Variants in RPTOR observed in about 807,000 individuals in gnomAD.
RPTOR encodes regulatory associated protein of MTOR complex 1.
Under a neutral mutation model 169.9 loss-of-function variants are expected in RPTOR, and 21 were observed. That is an observed-to-expected ratio of 0.12 (90% CI 0.09 to 0.18). The LOEUF is 0.18. Ranked by LOEUF, RPTOR falls within the 10% of genes least tolerant of loss-of-function variation. The pLI is 1.00. For synonymous variants in RPTOR, 732 were observed against 753.2 expected, an observed-to-expected ratio of 0.97 and a Z score of 0.46; for missense variants, 1,133 against 1,855.9, an observed-to-expected ratio of 0.61 and a Z score of 7.16.
chr17:80,604,826 C>T (rs146338118), intron 1 of RPTOR, among the ~76,000 whole-genome samples: 16 of 152,162 alleles, frequency 1.1e-4, no homozygotes, highest in East Asian at 3.9e-4. Flanking sequence ...TCCATCCGCG[C>T]GATTCAATTA....
chr17:80,953,397 A>T (rs1344844793), intron 28 of RPTOR, among the ~76,000 whole-genome samples: 5 of 152,210 alleles, frequency 3.3e-5, no homozygotes. Flanking sequence ...CAGCCTCCTG[A>T]GTAGCTGGGA....
chr17:80,654,596 A>G (rs1273230291), intron 3 of RPTOR, among the ~76,000 whole-genome samples: 2 of 152,244 alleles, frequency 1.3e-5, no homozygotes, highest in African/African-American at 4.8e-5. Flanking sequence ...CATGGCTTGT[A>G]TAAGGAAGAG....
chr17:80,816,221 G>A (rs2067321934), intron 7 of RPTOR, among the ~76,000 whole-genome samples: 1 of 152,246 alleles, frequency 6.6e-6, no homozygotes, highest in Admixed American at 6.5e-5. Context: ...CGTGAGCCAG[G>A]GCAGAAGGGC....
chr17:80,897,750 G>A lies in RPTOR; in HGVS notation c.2401+3885G>A, dbSNP rs375741736. On this transcript the variant is annotated intron_variant, in intron 20 of 33. Coordinates refer to ENST00000306801, the MANE Select transcript of RPTOR (RefSeq NM_020761.3). The stretch of plus-strand genomic sequence containing the variant: ...CCTGCCTAGTAAAACTGGCTCCTCC[G>A]GGCATGGTGACAGGTGCCTGTAATC... Among the ~76,000 whole-genome samples, 15 of 152,268 alleles carry A rather than the reference G, an allele frequency of 9.9e-5. No homozygotes were observed. In the East Asian group the frequency reaches 2.3e-3, roughly 24 times the overall value.
intron 6 of RPTOR, among the ~76,000 whole-genome samples, chr17:80,770,079 C>G (rs552048029): frequency 6.6e-6 from 1 of 152,154 alleles, no homozygotes. Context: ...GTCAAGGCAT[C>G]GGTGGGTTTG....
intron 1 of RPTOR, among the ~76,000 whole-genome samples, chr17:80,575,914 G>A (rs1431396840): frequency 9.2e-5 from 14 of 152,036 alleles, no homozygotes; most frequent in Non-Finnish European, 4.4e-5. Flanking sequence ...CCATATTGTT[G>A]TAAAACTGTT....
chr17:80,798,198 A>G (rs971324188), intron 7 of RPTOR, among the ~76,000 whole-genome samples: 1 of 152,140 alleles, frequency 6.6e-6, no homozygotes, highest in Non-Finnish European at 1.5e-5. Context: ...CCCAGAGGTT[A>G]CCTTCTGGAA....
chr17:80,557,749 AC>A (rs1213954823), intron 1 of RPTOR, among the ~76,000 whole-genome samples: 1 of 150,826 alleles, frequency 6.6e-6, no homozygotes, highest in Admixed American at 6.6e-5. Flanking sequence ...ACATGGTGAA[AC>A]CCTGTTTTCT....
At chr17:80,961,570 G>A (rs1055004935) in intron 31 of RPTOR, 90 bp downstream of exon 31, 9 of 1,357,394 alleles carry the variant, frequency 6.6e-6, no homozygotes, top group Admixed American at 2.1e-5. Context: ...TTAAACAGCT[G>A]GAAGGGGATG....
chr17:80,737,546 G>T (rs1236418475), intron 5 of RPTOR, among the ~76,000 whole-genome samples: 2 of 152,142 alleles, frequency 1.3e-5, no homozygotes, highest in East Asian at 3.9e-4. Context: ...GTGCCTTCCA[G>T]CCCGCACCAC....
intron 14 of RPTOR, 41 bp from the exon 15 acceptor site, chr17:80,883,378 C>A: frequency 6.3e-7 from 1 of 1,585,400 alleles, no homozygotes; most frequent in Non-Finnish European, 8.7e-7. Flanking sequence ...ATGAGAGTTT[C>A]CACTGAGGGG....
chr17:80,777,689 A>C (rs9898212), intron 6 of RPTOR, among the ~76,000 whole-genome samples: 41,477 of 152,036 alleles, frequency 0.27, 5,819 homozygotes, highest in African/African-American at 0.33. Flanking sequence ...CAAGGTTATG[A>C]AGTTTGACGC....
intron 3 of RPTOR, among the ~76,000 whole-genome samples, chr17:80,674,598 A>C (rs1022520784): frequency 1.3e-5 from 2 of 152,112 alleles, no homozygotes; most frequent in African/African-American, 4.8e-5. Flanking sequence ...CGCCCAGAAG[A>C]GAATGCATTT....
intron 21 of RPTOR, among the ~76,000 whole-genome samples, chr17:80,915,753 G>A (rs1172697581): frequency 3.6e-5 from 4 of 112,412 alleles, no homozygotes; most frequent in Middle Eastern, 5.2e-3. Context: ...AACCAGCTGC[G>A]GAGAGGAGCT....
chr17:80,592,145 G>A (rs1219535135), intron 1 of RPTOR, among the ~76,000 whole-genome samples: 3 of 152,122 alleles, frequency 2.0e-5, no homozygotes, highest in African/African-American at 4.8e-5. Flanking sequence ...AGGCTGGAGC[G>A]AGTGTGGCCT....
At chr17:80,725,210 C>T (rs1263742603) in intron 4 of RPTOR, among the ~76,000 whole-genome samples, 15 of 152,184 alleles carry the variant, frequency 9.9e-5, no homozygotes, top group Admixed American at 9.8e-4. Context: ...GGGCTGGGCT[C>T]TCCCGGCCAT....
chr17:80,635,750 G>A lies in RPTOR; in HGVS notation c.266-7978G>A, dbSNP rs544089881. 7.9e-5 allele frequency among the ~76,000 whole-genome samples: 12 copies of A among 152,270 alleles called. No individual in the cohort carries two copies. The South Asian group carries it at 1.7e-3, about 21-fold the overall frequency. On this transcript the variant is annotated intron_variant, in intron 2 of 33. Transcript: ENST00000306801. ...GGATGAGTGCGTGGAGGAGCTTCTG[G>A]TCAGCATTGTCAAGGCTGAGGTGGT...
At chr17:80,927,436 C>G (rs2068823753) in intron 24 of RPTOR, among the ~76,000 whole-genome samples, 1 of 152,088 alleles carries the variant, frequency 6.6e-6, no homozygotes, top group African/African-American at 2.4e-5. Flanking sequence ...AGTCATCTAT[C>G]CTATGATGAA....
At position 80,782,519 on chromosome 17, in the gene RPTOR, C is replaced by T. The variant is rs552354287; in HGVS notation, c.831-8931C>T. ...ATGTGAAAATAAACGGTGTATTTAGCGGGAAACTAATGCCTCTTGCAGCCA... is the reference window on the plus strand; with the variant it reads ...ATGTGAAAATAAACGGTGTATTTAGTGGGAAACTAATGCCTCTTGCAGCCA... On this transcript the variant is annotated intron_variant, in intron 6 of 33. Coordinates refer to ENST00000306801, the MANE Select transcript of RPTOR (RefSeq NM_020761.3). 5.9e-5 allele frequency among the ~76,000 whole-genome samples: 9 copies of T among 152,162 alleles called. No homozygotes were observed. The South Asian group carries it at 1.2e-3, about 21-fold the overall frequency.
Sources: gnomAD v4.1 joint callset for allele counts (sites outside exome capture counted in the v4.1 genomes callset) on GRCh38, gnomAD v4.1.1 for gene constraint, MANE v1.5 for transcripts, NCBI Gene and HGNC (gene_info 2026-07-23, HGNC 2026-07-21) for gene names.